TTC7B: variants seen among roughly 807,000 people sequenced by gnomAD.
TTC7B encodes tetratricopeptide repeat protein 7B.
TTC7B carries 28 observed loss-of-function variants against 106.8 expected under a neutral mutation model. The observed-to-expected ratio is 0.26, with a 90% CI of 0.19 to 0.36. TTC7B has a LOEUF of 0.36. Among genes scored for constraint, TTC7B ranks in the 10% least tolerant of loss-of-function variants. The probability of loss-of-function intolerance (pLI) is 1.00; values close to 1 mark genes in which losing one functional copy is unlikely to be tolerated. For synonymous variants in TTC7B, 405 were observed against 430.6 expected, an observed-to-expected ratio of 0.94 and a Z score of 0.74; for missense variants, 862 against 1,076.4, an observed-to-expected ratio of 0.80 and a Z score of 2.79.
rs1214298584 is a variant in TTC7B, at chr14:90,803,141, G to GC, written c.121+13033dup. 7.3e-5 allele frequency among the ~76,000 whole-genome samples: 11 copies of GC among 150,368 alleles called. No homozygotes were observed. The East Asian group carries it at 1.2e-3, about 16-fold the overall frequency. On this transcript the variant is annotated intron_variant, in intron 1 of 19. Coordinates refer to ENST00000328459, the MANE Select transcript of TTC7B (RefSeq NM_001010854.2). ...CTGGGTGACAGAGCGAGACTCCGAT[G>GC]CAAAAAAAAAAAATATGAATGAGTT...
chr14:90,780,884 T>C lies in TTC7B; in HGVS notation c.299A>G (p.Asn100Ser), dbSNP rs757122556. The C allele has an allele frequency of 2.5e-6, 4 of 1,614,084 alleles. No homozygotes were observed. The African/African-American group carries it at 5.3e-5, about 22-fold the overall frequency. The change falls in exon 3 of 20, where the codon AAT becomes AGT. Residue 100 changes from asparagine (N) to serine (S), a missense_variant. By Grantham distance (46) the Asn-to-Ser change is conservative. Coordinates refer to ENST00000328459, the MANE Select transcript of TTC7B (RefSeq NM_001010854.2). Reference sequence around the variant, plus strand: ...ATAATTCAACTTGGCCATGATCAGATTGGATTCTTGTAGGAATTCTGACTA... The same window carrying C: ...ATAATTCAACTTGGCCATGATCAGACTGGATTCTTGTAGGAATTCTGACTA... ...NLKSEFLQES[N>S]LIMAKLNYVE... is the part of the protein sequence containing the mutation.
intron 3 of TTC7B, among the ~76,000 whole-genome samples, chr14:90,755,389 T>G (rs1890257186): frequency 1.3e-5 from 2 of 152,244 alleles, no homozygotes; most frequent in Non-Finnish European, 2.9e-5. Flanking sequence ...GGCTCATGCC[T>G]GTAACCCTAG....
intron 5 of TTC7B, chr14:90,698,451 AG>A (rs1887852974): frequency 1.3e-5 from 2 of 152,250 alleles, no homozygotes; most frequent in Admixed American, 1.3e-4. Flanking sequence ...AAGAGAGCCA[AG>A]GAATCTCCCA....
At position 90,577,951 on chromosome 14, in the gene TTC7B, G is replaced by A. The variant is rs995020577; in HGVS notation, c.2310+155C>T. On this transcript the variant is annotated intron_variant, in intron 19 of 19. Coordinates refer to ENST00000328459, the MANE Select transcript of TTC7B (RefSeq NM_001010854.2). This position sits in a 1 kb window ranked among gnomAD's most constrained non-coding sequence, Gnocchi z 5.0. Reference sequence around the variant, plus strand: ...CATTTGCATAAACTATGGTAGAAACGGTGCCCTCTGGCTTCAGGCCATGTG... The same window carrying A: ...CATTTGCATAAACTATGGTAGAAACAGTGCCCTCTGGCTTCAGGCCATGTG... Among the ~76,000 whole-genome samples, 1 of 152,222 alleles carries A rather than the reference G, an allele frequency of 6.6e-6. No homozygotes were observed. Among genetic ancestry groups the A allele is most frequent in the Non-Finnish European group, 1.5e-5 (1 of 68,040 alleles).
intron 3 of TTC7B, among the ~76,000 whole-genome samples, chr14:90,753,114 A>G (rs2140009067): frequency 6.6e-6 from 1 of 152,348 alleles, no homozygotes; most frequent in African/African-American, 2.4e-5. Context: ...AATGGACAGG[A>G]AATTAATTTC....
intron 18 of TTC7B, among the ~76,000 whole-genome samples, chr14:90,592,158 A>G (rs1431779040): frequency 6.6e-6 from 1 of 152,200 alleles, no homozygotes; most frequent in Non-Finnish European, 1.5e-5. Context: ...ACAGGGTGGA[A>G]TATCATACGA....
chr14:90,687,092 T>C (rs949540229), intron 7 of TTC7B, among the ~76,000 whole-genome samples: 2 of 152,066 alleles, frequency 1.3e-5, no homozygotes, highest in East Asian at 1.9e-4. Flanking sequence ...TGGGTTCATT[T>C]TGGGGGTAAT....
intron 18 of TTC7B, among the ~76,000 whole-genome samples, chr14:90,583,160 T>G (rs1001596506): frequency 1.3e-5 from 2 of 152,196 alleles, no homozygotes; most frequent in African/African-American, 4.8e-5. Context: ...CTTCACTGGT[T>G]GGGAACTCAG....
In TTC7B at chr14:90,805,050, A is replaced by ACGCAGGCAGGGCTT. The variant is rs1483216463; in HGVS notation, c.121+11124_121+11125insAAGCCCTGCCTGCG. On this transcript the variant is annotated intron_variant, in intron 1 of 19. Transcript: ENST00000328459. The surrounding 1 kb of genome is among the most constrained non-coding windows in gnomAD (Gnocchi z 4.0). ...CCCGGAGCCCCAGGCAGGCAGGGCT[A>ACGCAGGCAGGGCTT]CACAGCCACCCTGGAGATGACACCA... Among the ~76,000 whole-genome samples the ACGCAGGCAGGGCTT allele has an allele frequency of 6.6e-6, 1 of 152,102 alleles. No homozygotes were observed. The highest frequency in any genetic ancestry group is 2.4e-5 in the African/African-American group (1 of 41,430).
intron 17 of TTC7B, among the ~76,000 whole-genome samples, chr14:90,606,695 A>T (rs912193487): frequency 6.6e-6 from 1 of 152,188 alleles, no homozygotes. Flanking sequence ...AGGGGAAGTC[A>T]TGTTCTATAA....
intron 19 of TTC7B, among the ~76,000 whole-genome samples, chr14:90,556,836 T>C (rs1225339166): frequency 2.0e-5 from 3 of 152,180 alleles, no homozygotes; most frequent in Non-Finnish European, 4.4e-5. Context: ...AGGCTTCCCC[T>C]GGGGTCCTGG....
chr14:90,592,554 C>A (rs1244254505), intron 18 of TTC7B, among the ~76,000 whole-genome samples: 1 of 152,018 alleles, frequency 6.6e-6, no homozygotes, highest in Non-Finnish European at 1.5e-5. Context: ...ACTAAAAACA[C>A]AAAAATTAGC....
chr14:90,602,286 A>G, intron 17 of TTC7B: 1 of 453,128 alleles, frequency 2.2e-6, no homozygotes, highest in Non-Finnish European at 4.4e-6. Context: ...GGTTAATGTG[A>G]ACTATGAAGC....
At chr14:90,546,335 C>T (rs1347315367) in intron 19 of TTC7B, among the ~76,000 whole-genome samples, 2 of 152,248 alleles carry the variant, frequency 1.3e-5, no homozygotes, top group Non-Finnish European at 2.9e-5. Flanking sequence ...GCCCTCATGT[C>T]CTTTCCAATT....
chr14:90,673,596 T>C (rs1215103022), intron 9 of TTC7B, among the ~76,000 whole-genome samples: 1 of 152,116 alleles, frequency 6.6e-6, no homozygotes, highest in African/African-American at 2.4e-5. Context: ...TTACTAACAT[T>C]TATGGAGCTC....
At chr14:90,646,687 T>G (rs1360716616) in intron 14 of TTC7B, 9 of 463,112 alleles carry the variant, frequency 1.9e-5, no homozygotes, top group Non-Finnish European at 3.6e-5. Context: ...GCTCCCCAGG[T>G]TGCCATCTGA....
At chr14:90,655,674 G>T (rs1885917877) in intron 11 of TTC7B, among the ~76,000 whole-genome samples, 1 of 152,112 alleles carries the variant, frequency 6.6e-6, no homozygotes, top group African/African-American at 2.4e-5. Flanking sequence ...CCCACAATAA[G>T]ACCTGGTGCA....
intron 17 of TTC7B, chr14:90,605,775 GA>G (rs905320958): frequency 3.4e-5 from 40 of 1,160,492 alleles, no homozygotes; most frequent in Admixed American, 1.2e-4. Flanking sequence ...AAGTGAAAGA[GA>G]AAAAAAGGGT....
intron 13 of TTC7B, chr14:90,647,295 C>T (rs1885501797): frequency 2.4e-6 from 1 of 412,306 alleles, no homozygotes; most frequent in Non-Finnish European, 4.5e-6. Flanking sequence ...TTGCGGAGGG[C>T]CTCGAGGTGA....
Sources: allele counts gnomAD v4.1 joint callset (sites outside exome capture counted in the v4.1 genomes callset), GRCh38; gene constraint gnomAD v4.1.1; non-coding constraint Gnocchi (gnomAD v3.1); transcripts MANE v1.5; gene names NCBI Gene and HGNC (gene_info 2026-07-23, HGNC 2026-07-21).